Variants in SATB2 observed in about 807,000 individuals in gnomAD.
SATB2 encodes the protein DNA-binding protein SATB2.
Under a neutral mutation model 73.4 loss-of-function variants are expected in SATB2, and 1 was observed. That is an observed-to-expected ratio of 0.01 (90% confidence interval 0.00 to 0.06). SATB2 has a LOEUF of 0.06. SATB2 is among the 10% of genes least tolerant of loss of function. SATB2 has a pLI of 1.00. For synonymous variants in SATB2, 397 were observed against 367.0 expected (o/e 1.08, Z -0.93); for missense variants, 459 against 945.8 (o/e 0.49, Z 6.75).
At chr2:199,332,695 G>A (rs915944327) in intron 7 of SATB2, among the ~76,000 whole-genome samples, 2 of 151,948 alleles carry the variant, frequency 1.3e-5, no homozygotes, top group African/African-American at 4.8e-5. Context: ...TACTTTCTGT[G>A]TCAATGAGCT....
At chr2:199,437,520 T>C (rs540991293) in intron 2 of SATB2, among the ~76,000 whole-genome samples, 1 of 152,016 alleles carries the variant, frequency 6.6e-6, no homozygotes, top group South Asian at 2.1e-4. Flanking sequence ...AACTGAGACA[T>C]GTGGGAAAAT....
At chr2:199,387,555 T>G (rs1174158298) in intron 3 of SATB2, among the ~76,000 whole-genome samples, 1 of 152,234 alleles carries the variant, frequency 6.6e-6, no homozygotes, top group Non-Finnish European at 1.5e-5. Flanking sequence ...TCTGCAAACA[T>G]TTAGAAAATG....
At chr2:199,402,821 G>A (rs1056992419) in intron 3 of SATB2, among the ~76,000 whole-genome samples, 9 of 152,040 alleles carry the variant, frequency 5.9e-5, no homozygotes, top group East Asian at 3.8e-4. Context: ...TTTAAATGAC[G>A]AATATCTTAG....
rs199984701 is a variant in SATB2 at position 199,328,680 on chromosome 2, G to A, written c.1386+18C>T. ...TTCCAAGACAAAGAGTGAAAAATAC[G>A]GAAAGCAAGTTTCTCACCTGAGGGG... On this transcript the variant is annotated intron_variant, in intron 8 of 10. Coordinates refer to ENST00000417098, the MANE Select transcript of SATB2 (RefSeq NM_001172509.2). The A allele has an allele frequency of 5.7e-4, 913 of 1,603,780 alleles. No individual in the cohort carries two copies. Among genetic ancestry groups the A allele is most frequent in the Non-Finnish European group, 7.5e-4 (880 of 1,172,306 alleles).
intron 3 of SATB2, among the ~76,000 whole-genome samples, chr2:199,405,815 G>T (rs1690614999): frequency 6.6e-6 from 1 of 151,838 alleles, no homozygotes; most frequent in Admixed American, 6.6e-5. Flanking sequence ...AAAAGCTTCA[G>T]GGCCAAACTC....
chr2:199,391,171 C>T (rs548809345), intron 3 of SATB2, among the ~76,000 whole-genome samples: 2 of 151,920 alleles, frequency 1.3e-5, no homozygotes, highest in African/African-American at 2.4e-5. Context: ...TTAGGCCGGG[C>T]GCGGTGGCTC....
intron 10 of SATB2, among the ~76,000 whole-genome samples, chr2:199,291,601 C>A (rs1221285238): frequency 1.3e-5 from 2 of 152,074 alleles, no homozygotes; most frequent in Non-Finnish European, 2.9e-5. Context: ...TTCTATCAAA[C>A]CTCTATTATC....
intron 3 of SATB2, among the ~76,000 whole-genome samples, chr2:199,432,791 A>C (rs1238235899): frequency 1.3e-5 from 2 of 152,234 alleles, no homozygotes; most frequent in Non-Finnish European, 2.9e-5. Context: ...ATAATGATGC[A>C]ATTTTAATAT....
intron 10 of SATB2, among the ~76,000 whole-genome samples, chr2:199,305,608 CA>C (rs1687410657): frequency 6.6e-6 from 1 of 152,128 alleles, no homozygotes; most frequent in East Asian, 1.9e-4. Flanking sequence ...ACACAAACAG[CA>C]AGAAAAAGTT....
intron 2 of SATB2, among the ~76,000 whole-genome samples, chr2:199,448,237 T>C (rs1053290199): frequency 1.3e-5 from 2 of 152,196 alleles, no homozygotes; most frequent in Non-Finnish European, 2.9e-5. Flanking sequence ...TAATAATAAT[T>C]GAAACAAATG....
intron 7 of SATB2, among the ~76,000 whole-genome samples, chr2:199,330,252 A>G (rs551531682): frequency 1.3e-5 from 2 of 152,350 alleles, no homozygotes; most frequent in South Asian, 4.1e-4. Flanking sequence ...ATTATAATAT[A>G]GCGAAGCAAA....
At chr2:199,460,168 C>A (rs367895300), upstream of SATB2, among the ~76,000 whole-genome samples, 2 of 152,244 alleles carry the variant, frequency 1.3e-5, no homozygotes, top group African/African-American at 4.8e-5. This position sits in a 1 kb window ranked among gnomAD's most constrained non-coding sequence, Gnocchi z 4.0. Flanking sequence ...CATACCACCC[C>A]CAGTCAAAAG....
At chr2:199,411,631 T>C (rs927954955) in intron 3 of SATB2, among the ~76,000 whole-genome samples, 1 of 152,154 alleles carries the variant, frequency 6.6e-6, no homozygotes, top group African/African-American at 2.4e-5. Context: ...AGTCAAGGTA[T>C]AAATCCCTAC....
intron 3 of SATB2, among the ~76,000 whole-genome samples, chr2:199,389,227 A>G (rs551163197): frequency 5.9e-5 from 9 of 152,256 alleles, no homozygotes; most frequent in African/African-American, 2.2e-4. Flanking sequence ...AAGTATACAT[A>G]TTTTCCTTTT....
intron 8 of SATB2, among the ~76,000 whole-genome samples, chr2:199,327,143 A>T (rs923345836): frequency 5.9e-5 from 9 of 152,182 alleles, no homozygotes; most frequent in Non-Finnish European, 1.0e-4. Flanking sequence ...GCTTTGTATA[A>T]ATGTATATCC....
intron 2 of SATB2, among the ~76,000 whole-genome samples, chr2:199,437,260 C>T (rs985213067): frequency 2.0e-5 from 3 of 152,076 alleles, no homozygotes; most frequent in Non-Finnish European, 2.9e-5. Flanking sequence ...AGAGGACAGG[C>T]GCTCGGCCTC....
chr2:199,406,443 C>A (rs1690630873), intron 3 of SATB2, among the ~76,000 whole-genome samples: 1 of 152,098 alleles, frequency 6.6e-6, no homozygotes, highest in South Asian at 2.1e-4. Context: ...AGTGAAATAT[C>A]TAACTTTGTG....
chr2:199,328,734 C>G lies in SATB2; in HGVS notation c.1350G>C (p.Ser450=). 6.2e-7 allele frequency: 1 copy of G among 1,613,446 alleles called. No homozygotes were observed. Among genetic ancestry groups the G allele is most frequent in the Non-Finnish European group, 8.5e-7 (1 of 1,179,900 alleles). ...SMNPNVSMVS[S]ASSSPSSSRT... ...GGGAGGAGCTGGGACTGCTGGAGGC[C>G]GAGGAGACCATGCTCACATTGGGAT... is the stretch of plus-strand genomic sequence containing the variant. The change falls in exon 8 of 11, where the codon TCG becomes TCC. Residue 450 remains serine (S), a synonymous_variant. Transcript: ENST00000417098.
Position 199,463,622 on chromosome 2 carries a change from C to G in SATB2, c.-141+1214G>C, listed in dbSNP as rs1692529199. ...CGGCGCCGGCTCTGCCGGTCGCGTCCCGGAGCCAACCCTTCCGCGTCGCCT... is the reference window on the plus strand; with the variant it reads ...CGGCGCCGGCTCTGCCGGTCGCGTCGCGGAGCCAACCCTTCCGCGTCGCCT... On this transcript the variant is annotated intron_variant, in intron 1 of 11. Coordinates refer to the SATB2 transcript ENST00000260926. The surrounding 1 kb of genome is among the most constrained non-coding windows in gnomAD (Gnocchi z 6.4). Among the ~76,000 whole-genome samples the G allele has an allele frequency of 6.6e-6, 1 of 152,220 alleles. No homozygotes were observed. Among genetic ancestry groups the G allele is most frequent in the Non-Finnish European group, 1.5e-5 (1 of 68,040 alleles).
Sources: gnomAD v4.1 joint callset for allele counts (sites outside exome capture counted in the v4.1 genomes callset) on GRCh38, gnomAD v4.1.1 for gene constraint, Gnocchi (gnomAD v3.1) non-coding constraint, MANE v1.5 for transcripts, NCBI Gene and HGNC (gene_info 2026-07-23, HGNC 2026-07-21) for gene names.